BORCS5: variants seen among roughly 807,000 people sequenced by gnomAD.
BORCS5 encodes the protein BLOC-1 related complex subunit 5, also known as BLOC-1-related complex subunit 5.
A neutral mutation model predicts 22.1 loss-of-function variants in BORCS5; 17 were observed. The ratio of observed to expected loss-of-function variants is 0.77; its 90% confidence interval spans 0.53 to 1.15. The LOEUF (loss-of-function observed/expected upper bound fraction) is 1.15. Among genes scored for constraint, BORCS5 ranks in the 50% most tolerant of loss-of-function variants. BORCS5 has a pLI of 0.00. For synonymous variants in BORCS5, 117 were observed against 99.8 expected (o/e 1.17, Z -1.03); for missense variants, 247 against 253.2 (o/e 0.98, Z 0.17).
At position 12,466,425 on chromosome 12, in the gene BORCS5, C is replaced by A. The variant is rs1943205154; in HGVS notation, c.*649C>A. 1.3e-5 allele frequency: 2 copies of A among 152,236 alleles called. No individual in the cohort carries two copies. Among genetic ancestry groups the A allele is most frequent in the African/African-American group, 4.8e-5 (2 of 41,436 alleles). The allele number at this position is 152,236 out of a possible 1,614,324, so 9.4% of individuals were successfully genotyped here. A position where few individuals can be genotyped will look rare whatever the true frequency, so the allele number is the denominator to read the frequency against. ...TCATCAGATTCATCTCCACTGATAACCGGTTTCCTTGATGCAGACATAGTT... is the reference window on the plus strand; with the variant it reads ...TCATCAGATTCATCTCCACTGATAAACGGTTTCCTTGATGCAGACATAGTT... On this transcript the variant is annotated 3_prime_UTR_variant, in exon 4 of 4. Transcript: ENST00000314565.
intron 2 of BORCS5, among the ~76,000 whole-genome samples, chr12:12,420,847 G>A (rs1428832027): frequency 6.6e-6 from 1 of 152,114 alleles, no homozygotes; most frequent in Non-Finnish European, 1.5e-5. Context: ...TAATTTGGCT[G>A]TTTGTCTGTT....
At chr12:12,391,761 G>A (rs1941191426) in intron 2 of BORCS5, among the ~76,000 whole-genome samples, 2 of 150,430 alleles carry the variant, frequency 1.3e-5, no homozygotes, top group African/African-American at 2.5e-5. Flanking sequence ...GCTGGGTGCA[G>A]TGGCTCATGC....
intron 3 of BORCS5, among the ~76,000 whole-genome samples, chr12:12,436,505 G>T (rs1442810839): frequency 6.6e-6 from 1 of 152,206 alleles, no homozygotes; most frequent in African/African-American, 2.4e-5. Context: ...TTCCAGTCAA[G>T]AAAAACTTTA....
At chr12:12,445,440 T>A (rs1315465648) in intron 3 of BORCS5, among the ~76,000 whole-genome samples, 2 of 151,864 alleles carry the variant, frequency 1.3e-5, no homozygotes, top group Admixed American at 1.3e-4. Flanking sequence ...GTATTTTGTT[T>A]TAGCCTGCTT....
At chr12:12,441,377 G>A (rs76780639) in intron 3 of BORCS5, among the ~76,000 whole-genome samples, 2 of 152,258 alleles carry the variant, frequency 1.3e-5, no homozygotes, top group Admixed American at 1.3e-4. Context: ...CTGACTACCT[G>A]TGTGACCTCA....
In BORCS5 at chr12:12,449,034, A is replaced by G. The variant is rs7954290; in HGVS notation, c.360+13249A>G. Among the ~76,000 whole-genome samples the G allele has an allele frequency of 6.0e-3, 914 of 152,230 alleles. 9 individuals are homozygous for G. The highest frequency in any genetic ancestry group is 0.021 in the African/African-American group (865 of 41,534). ...CCACATTTACGTTCTTGAAGTGGCA[A>G]CTCCGCCTACCTTGCAGGTAACTTC... On this transcript the variant is annotated intron_variant, in intron 3 of 3. Transcript: ENST00000314565.
intron 3 of BORCS5, among the ~76,000 whole-genome samples, chr12:12,446,481 C>A (rs1213318881): frequency 6.6e-6 from 1 of 152,196 alleles, no homozygotes; most frequent in African/African-American, 2.4e-5. Flanking sequence ...TTTACTATCA[C>A]CCTGCTCACT....
intron 2 of BORCS5, among the ~76,000 whole-genome samples, chr12:12,366,970 T>C (rs1863419733): frequency 6.6e-6 from 1 of 152,204 alleles, no homozygotes; most frequent in Admixed American, 6.5e-5. Flanking sequence ...ATCAAACATA[T>C]ACAGTGTAGA....
intron 3 of BORCS5, among the ~76,000 whole-genome samples, chr12:12,460,299 G>A: frequency 6.6e-6 from 1 of 152,230 alleles, no homozygotes; most frequent in East Asian, 1.9e-4. Context: ...TTATTCCACT[G>A]TCCTGTCATT....
Position 12,392,400 on chromosome 12 carries a change from T to C in BORCS5, c.202+31051T>C, listed in dbSNP as rs570707462. ...TGCACTCTCATGAATTGCAGGAATT[T>C]ATTCCAAGTTACAAAGAATCATTCC... is the stretch of plus-strand genomic sequence containing the variant. On this transcript the variant is annotated intron_variant, in intron 2 of 3. Transcript: ENST00000314565. Among the ~76,000 whole-genome samples the C allele has an allele frequency of 3.9e-5, 6 of 152,256 alleles. No individual in the cohort carries two copies. In the South Asian group the frequency reaches 6.2e-4, roughly 16 times the overall value.
rs568791005 is a variant in BORCS5, at chr12:12,463,936, GC to G, written c.361-1607del. On this transcript the variant is annotated intron_variant, in intron 3 of 3. Coordinates refer to ENST00000314565, the MANE Select transcript of BORCS5 (RefSeq NM_058169.6). ...GGTTGCGGGGTGGAGGGCCAGGAAT[GC>G]CCTGCCAAGTAAAATGTGATGCCCG... is the stretch of plus-strand genomic sequence containing the variant. Among the ~76,000 whole-genome samples the G allele has an allele frequency of 3.1e-3, 470 of 152,270 alleles. 3 individuals are homozygous for G. The highest frequency in any genetic ancestry group is 0.011 in the African/African-American group (439 of 41,552).
chr12:12,374,709 G>A (rs1349029788), intron 2 of BORCS5, among the ~76,000 whole-genome samples: 1 of 152,006 alleles, frequency 6.6e-6, no homozygotes, highest in Admixed American at 6.5e-5. Flanking sequence ...TGTAATGCCA[G>A]CACTTTGGGA....
In BORCS5 at chr12:12,448,527, C is replaced by CTT. The variant is rs34937700; in HGVS notation, c.360+12755_360+12756dup. ...ACCGTGCCTGACCTTGTCTTCAATT[C>CTT]TTTTTTTTTTTTTTCTTTTTTTTGA... On this transcript the variant is annotated intron_variant, in intron 3 of 3. Transcript: ENST00000314565. Among the ~76,000 whole-genome samples, 966 of 142,382 alleles carry CTT rather than the reference C, an allele frequency of 6.8e-3. 4 individuals are homozygous for CTT. Among genetic ancestry groups the CTT allele is most frequent in the Non-Finnish European group, 7.9e-3 (518 of 65,416 alleles). 93.4% of individuals were successfully genotyped at this position (142,382 alleles called of 152,430 possible).
rs1480128344 is a variant in BORCS5 at position 12,470,366 on chromosome 12, C to T, written c.*4590C>T. Among the ~76,000 whole-genome samples the T allele has an allele frequency of 1.5e-4, 23 of 152,294 alleles. No homozygotes were observed. The highest frequency in any genetic ancestry group is 1.9e-4 in the East Asian group (1 of 5,184). Reference sequence around the variant, plus strand: ...TACAGGCGTGAGCCACTGCACCTGGCCAGCTTCGTGTGTATTTATAGCTGC... The same window carrying T: ...TACAGGCGTGAGCCACTGCACCTGGTCAGCTTCGTGTGTATTTATAGCTGC... On this transcript the variant is annotated 3_prime_UTR_variant, in exon 4 of 4. Transcript: ENST00000314565.
rs1468259876 is a variant in BORCS5 at position 12,378,070 on chromosome 12, C to T, written c.202+16721C>T. 5.3e-5 allele frequency among the ~76,000 whole-genome samples: 8 copies of T among 152,196 alleles called. 1 individual carries two copies. The South Asian group carries it at 1.0e-3, about 20-fold the overall frequency. ...ATTGCTCTTTGATTTTAAAATACTT[C>T]TGTTTTAAAGTCTATTATAGGCCGG... On this transcript the variant is annotated intron_variant, in intron 2 of 3. Coordinates refer to ENST00000314565, the MANE Select transcript of BORCS5 (RefSeq NM_058169.6).
chr12:12,395,549 C>T (rs956726649), intron 2 of BORCS5, among the ~76,000 whole-genome samples: 6 of 150,572 alleles, frequency 4.0e-5, no homozygotes, highest in South Asian at 2.1e-4. Context: ...GGCCTCCCAG[C>T]GTGCCGGGAT....
chr12:12,381,710 G>A (rs941689459), intron 2 of BORCS5, among the ~76,000 whole-genome samples: 3 of 151,418 alleles, frequency 2.0e-5, no homozygotes, highest in Non-Finnish European at 3.0e-5. Context: ...CTTAATTTTT[G>A]TGAAAGGTAT....
At chr12:12,374,227 G>A (rs1037237578) in intron 2 of BORCS5, among the ~76,000 whole-genome samples, 4 of 151,570 alleles carry the variant, frequency 2.6e-5, no homozygotes, top group Admixed American at 6.6e-5. Flanking sequence ...TCCTGACCTC[G>A]TGATCCGCCC....
At chr12:12,394,303 G>A (rs1941277954) in intron 2 of BORCS5, among the ~76,000 whole-genome samples, 1 of 151,482 alleles carries the variant, frequency 6.6e-6, no homozygotes, top group East Asian at 1.9e-4. Flanking sequence ...CCCAGCTTGG[G>A]TGACAGATTG....
Sources: gnomAD v4.1 joint callset for allele counts (sites outside exome capture counted in the v4.1 genomes callset) on GRCh38, gnomAD v4.1.1 for gene constraint, MANE v1.5 for transcripts, NCBI Gene and HGNC (gene_info 2026-07-23, HGNC 2026-07-21) for gene names.